Variants in LRMDA observed in about 807,000 individuals in gnomAD.
LRMDA encodes the protein leucine rich melanocyte differentiation associated, also known as leucine-rich melanocyte differentiation-associated protein.
A neutral mutation model predicts 29.8 loss-of-function variants in LRMDA; 18 were observed. The ratio of observed to expected loss-of-function variants is 0.60; its 90% confidence interval spans 0.42 to 0.90. The LOEUF is 0.90. Ranked by LOEUF, LRMDA falls within the 40% of genes least tolerant of loss-of-function variation. The pLI is 0.00. For synonymous variants in LRMDA, 125 were observed against 109.4 expected (o/e 1.14, Z -0.89); for missense variants, 273 against 273.9 (o/e 1.00, Z 0.02).
intron 6 of LRMDA, chr10:76,402,358 T>C (rs1841858159): frequency 6.6e-6 from 1 of 152,134 alleles, no homozygotes; most frequent in South Asian, 2.1e-4. Context: ...TTTATTTTAT[T>C]GTTCTTTTTT....
intron 5 of LRMDA, among the ~76,000 whole-genome samples, chr10:76,126,929 G>A (rs1482825128): frequency 6.6e-6 from 1 of 152,204 alleles, no homozygotes; most frequent in African/African-American, 2.4e-5. Flanking sequence ...CTGAAGGTTG[G>A]CCACTTCTCA....
At chr10:76,235,300 T>G (rs149598713) in intron 5 of LRMDA, among the ~76,000 whole-genome samples, 1 of 152,060 alleles carries the variant, frequency 6.6e-6, no homozygotes, top group African/African-American at 2.4e-5. Flanking sequence ...ACAATTAGGA[T>G]AATGAAATCA....
At chr10:75,671,038 G>C (rs1430300852) in intron 2 of LRMDA, among the ~76,000 whole-genome samples, 7 of 152,100 alleles carry the variant, frequency 4.6e-5, no homozygotes, top group Admixed American at 4.6e-4. Flanking sequence ...GTCTGCCCCT[G>C]GTCCTCTCAT....
intron 2 of LRMDA, among the ~76,000 whole-genome samples, chr10:75,937,491 G>C (rs977442658): frequency 2.0e-5 from 3 of 152,184 alleles, no homozygotes; most frequent in African/African-American, 7.2e-5. Flanking sequence ...GTTTGAGCAT[G>C]TGAAAGTTCA....
At chr10:75,507,898 A>G (rs1263418401) in intron 2 of LRMDA, among the ~76,000 whole-genome samples, 1 of 152,210 alleles carries the variant, frequency 6.6e-6, no homozygotes, top group Non-Finnish European at 1.5e-5. Context: ...TGAGGCATCT[A>G]TAAAGCCCTG....
chr10:75,990,750 C>T (rs1438626561), intron 2 of LRMDA, among the ~76,000 whole-genome samples: 1 of 151,940 alleles, frequency 6.6e-6, no homozygotes, highest in Non-Finnish European at 1.5e-5. Context: ...AGGAAATGGT[C>T]CAGTTTGGTT....
intron 2 of LRMDA, among the ~76,000 whole-genome samples, chr10:75,439,273 C>T (rs1844299176): frequency 6.6e-6 from 1 of 152,174 alleles, no homozygotes; most frequent in Admixed American, 6.5e-5. Flanking sequence ...TTCCTCCTAA[C>T]AAGCTGGTGC....
intron 2 of LRMDA, among the ~76,000 whole-genome samples, chr10:75,610,423 C>T (rs1183016798): frequency 6.6e-6 from 1 of 151,898 alleles, no homozygotes; most frequent in Non-Finnish European, 1.5e-5. Context: ...TACTTCCCTA[C>T]ACCCCACATG....
intron 2 of LRMDA, among the ~76,000 whole-genome samples, chr10:75,595,835 C>T (rs1840779942): frequency 6.6e-6 from 1 of 151,024 alleles, no homozygotes; most frequent in Non-Finnish European, 1.5e-5. Flanking sequence ...CTACATTGAT[C>T]TCTGATCTGT....
rs10509367 is a variant in LRMDA at position 76,323,722 on chromosome 10, G to T, written c.517-679G>T. Reference sequence around the variant, plus strand: ...GGGCCATCTTGGACACAGTTCTATGGTTAAAGAGTTGTCTGCGTACAGTGA... The same window carrying T: ...GGGCCATCTTGGACACAGTTCTATGTTTAAAGAGTTGTCTGCGTACAGTGA... On this transcript the variant is annotated intron_variant, in intron 5 of 6. Transcript: ENST00000611255. Among the ~76,000 whole-genome samples, 637 of 152,246 alleles carry T rather than the reference G, an allele frequency of 4.2e-3. 1 individual carries two copies. Among genetic ancestry groups the T allele is most frequent in the African/African-American group, 0.015 (602 of 41,504 alleles).
At chr10:76,526,868 A>G (rs1191805513) in intron 6 of LRMDA, among the ~76,000 whole-genome samples, 1 of 148,606 alleles carries the variant, frequency 6.7e-6, no homozygotes, top group Non-Finnish European at 1.5e-5. Flanking sequence ...ATTGGGAGAT[A>G]TACCTAATGC....
intron 5 of LRMDA, among the ~76,000 whole-genome samples, chr10:76,275,999 T>A (rs1197226589): frequency 1.3e-5 from 2 of 148,556 alleles, no homozygotes; most frequent in African/African-American, 4.9e-5. Context: ...ATTGAGACAA[T>A]CTAGTGAATC....
intron 2 of LRMDA, among the ~76,000 whole-genome samples, chr10:75,596,612 A>C (rs1403340680): frequency 2.0e-5 from 3 of 152,174 alleles, no homozygotes; most frequent in Non-Finnish European, 4.4e-5. Context: ...GTTTTAGCAC[A>C]TATGTCTAGT....
chr10:76,385,295 T>C (rs1841646158), intron 6 of LRMDA, among the ~76,000 whole-genome samples: 1 of 152,222 alleles, frequency 6.6e-6, no homozygotes, highest in African/African-American at 2.4e-5. Context: ...TCGAGTGTAC[T>C]CTATTTCTGT....
intron 6 of LRMDA, among the ~76,000 whole-genome samples, chr10:76,377,308 G>A (rs1340909823): frequency 2.0e-5 from 3 of 152,064 alleles, no homozygotes. Context: ...GCCCTTTGTT[G>A]GATGCATAGT....
chr10:76,479,410 C>T (rs1842713968), intron 6 of LRMDA, among the ~76,000 whole-genome samples: 1 of 151,796 alleles, frequency 6.6e-6, no homozygotes, highest in Non-Finnish European at 1.5e-5. Flanking sequence ...TCAGAAGGGC[C>T]CAGGCTTGGT....
intron 4 of LRMDA, among the ~76,000 whole-genome samples, chr10:76,054,549 A>C (rs1401221365): frequency 6.6e-6 from 1 of 151,326 alleles, no homozygotes; most frequent in East Asian, 1.9e-4. Context: ...GGCATCCTTC[A>C]CTCCATCGTT....
At chr10:76,340,766 A>G (rs1841031849) in intron 6 of LRMDA, among the ~76,000 whole-genome samples, 1 of 152,146 alleles carries the variant, frequency 6.6e-6, no homozygotes. Context: ...GCAATGAGAT[A>G]TACAACAACA....
chr10:76,058,128 T>C (rs1321949354), intron 4 of LRMDA, among the ~76,000 whole-genome samples: 1 of 152,186 alleles, frequency 6.6e-6, no homozygotes, highest in Admixed American at 6.5e-5. Context: ...ACATGTATTA[T>C]CGAGGGATGA....
Sources: allele counts gnomAD v4.1 joint callset (sites outside exome capture counted in the v4.1 genomes callset), GRCh38; gene constraint gnomAD v4.1.1; transcripts MANE v1.5; gene names NCBI Gene and HGNC (gene_info 2026-07-23, HGNC 2026-07-21).